The following DCAF8L2 variants were observed in gnomAD, a reference collection of about 807,000 sequenced individuals.
The protein encoded by DCAF8L2 is DDB1- and CUL4-associated factor 8-like protein 2.
For synonymous variants in DCAF8L2, 200 were observed against 190.9 expected, an observed-to-expected ratio of 1.05 and a Z score of -0.39; for missense variants, 430 against 490.7, an observed-to-expected ratio of 0.88 and a Z score of 1.17.
chrX:27,674,542 C>G lies in DCAF8L2; in HGVS notation c.-219-3294C>G, dbSNP rs750314508. On this transcript the variant is annotated intron_variant, in intron 2 of 4. Coordinates refer to ENST00000451261, the MANE Select transcript of DCAF8L2 (RefSeq NM_001353450.2). ...CCTCTGAAAAACCTATAAAGATGTG[C>G]ACACTGACTTTCTCATGTTCATGTT... Among the ~76,000 whole-genome samples the G allele has an allele frequency of 5.4e-5, 6 of 111,083 alleles. No homozygotes were observed. In the East Asian group the frequency reaches 1.7e-3, roughly 32 times the overall value.
At chrX:27,582,187 AC>A in the DCAF8L2 span, among the ~76,000 whole-genome samples, 1 of 111,891 alleles carries the variant, frequency 8.9e-6, no homozygotes, top group African/African-American at 3.2e-5. Context: ...TTTCATGCTT[AC>A]AGAATACTTG....
chrX:27,706,849 A>T (rs1177805488), intron 3 of DCAF8L2, among the ~76,000 whole-genome samples: 1 of 112,286 alleles, frequency 8.9e-6, no homozygotes, highest in South Asian at 3.7e-4. Context: ...TAGCAACATT[A>T]CTCATAATAT....
chrX:27,746,204 T>A (rs1569200325), intron 4 of DCAF8L2, among the ~76,000 whole-genome samples: 1 of 111,754 alleles, frequency 8.9e-6, no homozygotes, highest in Non-Finnish European at 1.9e-5. Context: ...TAAATAAAAT[T>A]TTAGTGGCAA....
chrX:27,621,570 C>T (rs1019379048), intron 1 of DCAF8L2, among the ~76,000 whole-genome samples: 1 of 111,289 alleles, frequency 9.0e-6, no homozygotes, highest in Non-Finnish European at 1.9e-5. Context: ...CATTAGTAAT[C>T]AACAAAATGC....
the DCAF8L2 span, among the ~76,000 whole-genome samples, chrX:27,480,613 G>C: frequency 2.7e-5 from 3 of 111,497 alleles, no homozygotes; most frequent in Non-Finnish European, 5.7e-5. Flanking sequence ...ATATCCCTTT[G>C]GTGGCCTCAA....
the DCAF8L2 span, among the ~76,000 whole-genome samples, chrX:27,556,824 C>A: frequency 2.7e-5 from 3 of 111,965 alleles, no homozygotes; most frequent in Non-Finnish European, 3.8e-5. Context: ...ACAGGTCATC[C>A]GTGCTTTTCA....
At chrX:27,662,170 G>A (rs1013995087) in intron 2 of DCAF8L2, among the ~76,000 whole-genome samples, 1 of 111,149 alleles carries the variant, frequency 9.0e-6, no homozygotes, top group African/African-American at 3.3e-5. Context: ...AAGAGCAAGA[G>A]ATAGAGAAAT....
chrX:27,487,004 A>G, the DCAF8L2 span, among the ~76,000 whole-genome samples: 9 of 111,260 alleles, frequency 8.1e-5, no homozygotes, highest in Admixed American at 5.8e-4. Flanking sequence ...CAAAATAGCC[A>G]ACTGGTATTT....
the DCAF8L2 span, among the ~76,000 whole-genome samples, chrX:27,485,941 T>TTTG: frequency 1.1e-5 from 1 of 94,928 alleles, no homozygotes; most frequent in Non-Finnish European, 2.1e-5. Flanking sequence ...TTTTTTTTTT[T>TTTG]TTTTGTGGTA....
chrX:27,649,440 T>C (rs1202211108), intron 2 of DCAF8L2, among the ~76,000 whole-genome samples: 1 of 112,291 alleles, frequency 8.9e-6, no homozygotes, highest in Non-Finnish European at 1.9e-5. Context: ...TATGTAAATG[T>C]TTCCTTTTCT....
chrX:27,673,701 G>GTA (rs751027213), intron 2 of DCAF8L2, among the ~76,000 whole-genome samples: 47 of 105,677 alleles, frequency 4.4e-4, no homozygotes, highest in African/African-American at 9.4e-4. Context: ...GTGGTTGTGT[G>GTA]TATATATATA....
At chrX:27,616,853 A>G (rs945464836) in intron 1 of DCAF8L2, among the ~76,000 whole-genome samples, 1 of 111,535 alleles carries the variant, frequency 9.0e-6, no homozygotes, top group Non-Finnish European at 1.9e-5. Context: ...GAGGAAGAAA[A>G]TATTGGGGGC....
At chrX:27,579,103 T>C in the DCAF8L2 span, among the ~76,000 whole-genome samples, 3 of 111,961 alleles carry the variant, frequency 2.7e-5, no homozygotes, top group Admixed American at 1.9e-4. Flanking sequence ...AAGATATGTG[T>C]ACATGTATGT....
chrX:27,586,311 G>GGT (rs1402715519), upstream of DCAF8L2, among the ~76,000 whole-genome samples: 1 of 110,997 alleles, frequency 9.0e-6, no homozygotes, highest in Non-Finnish European at 1.9e-5. Context: ...CTGGGTCATA[G>GGT]GTATATATAT....
At chrX:27,652,807 A>AT (rs1291081428) in intron 2 of DCAF8L2, among the ~76,000 whole-genome samples, 1 of 111,830 alleles carries the variant, frequency 8.9e-6, no homozygotes, top group Admixed American at 9.5e-5. Flanking sequence ...TGAAAAAGTG[A>AT]TATGTGACTG....
the DCAF8L2 span, among the ~76,000 whole-genome samples, chrX:27,520,114 C>T: frequency 9.0e-6 from 1 of 111,708 alleles, no homozygotes. Flanking sequence ...TGTAAAACTT[C>T]AATCAAATTG....
chrX:27,588,460 G>C (rs1429103308), upstream of DCAF8L2, among the ~76,000 whole-genome samples: 1 of 111,124 alleles, frequency 9.0e-6, no homozygotes, highest in Non-Finnish European at 1.9e-5. Context: ...AACATAGGGT[G>C]CAGGTAGAAC....
At chrX:27,694,185 A>G (rs1038272063) in intron 3 of DCAF8L2, among the ~76,000 whole-genome samples, 1 of 110,812 alleles carries the variant, frequency 9.0e-6, no homozygotes, top group African/African-American at 3.3e-5. Flanking sequence ...TAAAGATGGG[A>G]GCAATAGACA....
intron 4 of DCAF8L2, among the ~76,000 whole-genome samples, chrX:27,718,906 T>G (rs1365471564): frequency 1.8e-5 from 2 of 111,594 alleles, no homozygotes; most frequent in Non-Finnish European, 3.8e-5. Context: ...CTCAGACAAT[T>G]CCTTATTACA....
Sources: gnomAD v4.1 joint callset for allele counts (sites outside exome capture counted in the v4.1 genomes callset) on GRCh38, gnomAD v4.1.1 for gene constraint, MANE v1.5 for transcripts, NCBI Gene and HGNC (gene_info 2026-07-23, HGNC 2026-07-21) for gene names.